Variants in ABCG5 observed in about 807,000 individuals in gnomAD.
ABCG5 encodes the protein ATP-binding cassette sub-family G member 5.
In ABCG5, 64 loss-of-function variants were observed where a neutral mutation model predicts 64.5. The ratio of observed to expected loss-of-function variants is 0.99; its 90% confidence interval spans 0.81 to 1.22. ABCG5 has a LOEUF of 1.22. ABCG5 is among the 50% of genes most tolerant of loss of function. ABCG5 has a pLI of 0.00. For synonymous variants in ABCG5, 385 were observed against 326.3 expected (o/e 1.18, Z -1.94); for missense variants, 908 against 829.5 (o/e 1.09, Z -1.16).
At chr2:43,809,721 AAAG>A (rs768188053), downstream of ABCG5, 2 of 1,612,210 alleles carry the variant, frequency 1.2e-6, no homozygotes, top group South Asian at 2.2e-5. Context: ...GAACAGTACA[AAAG>A]AAGTTCTTCC....
At chr2:43,808,643 A>T (rs1321039584), downstream of ABCG5, among the ~76,000 whole-genome samples, 1 of 152,184 alleles carries the variant, frequency 6.6e-6, no homozygotes, top group Non-Finnish European at 1.5e-5. Flanking sequence ...GGTAAGATAT[A>T]CTCCTTGTGA....
At chr2:43,825,246 C>G (rs1441940523) in intron 6 of ABCG5, among the ~76,000 whole-genome samples, 1 of 152,176 alleles carries the variant, frequency 6.6e-6, no homozygotes, top group Non-Finnish European at 1.5e-5. Flanking sequence ...GCCTAGGCTA[C>G]CACTGTGGGT....
chr2:43,808,964 T>TACACAC (rs56090427), downstream of ABCG5, among the ~76,000 whole-genome samples: 291 of 145,572 alleles, frequency 2.0e-3, 2 homozygotes, highest in African/African-American at 5.7e-3. Context: ...GGACAAAGGA[T>TACACAC]ACACACACAC....
chr2:43,833,678 C>G (rs969718784), intron 2 of ABCG5, among the ~76,000 whole-genome samples: 1 of 148,680 alleles, frequency 6.7e-6, no homozygotes, highest in African/African-American at 2.5e-5. Context: ...GCCACCGGGC[C>G]CAGCCCTTTA....
chr2:43,828,615 T>G (rs764358355), intron 4 of ABCG5: 8 of 313,340 alleles, frequency 2.6e-5, no homozygotes, highest in Non-Finnish European at 3.7e-5. Flanking sequence ...TTAGCCATGA[T>G]GGCACCACTG....
In ABCG5 at chr2:43,827,989, C is replaced by A; in HGVS notation, c.628G>T (p.Asp210Tyr). Residue 210 changes from aspartate to tyrosine, a missense_variant, in exon 5 of 13, where the codon GAT becomes TAT. Asp to Tyr is a radical substitution (Grantham distance 160). Coordinates refer to ENST00000405322, the MANE Select transcript of ABCG5 (RefSeq NM_022436.3). ...RVSIAAQLLQ[D>Y]PKVMLFDEPT... ...AGTTCTGGGTGCCACTTACTAGGATCCTGGAGCAGCTGGGCTGCGATGGAG... is the reference window on the plus strand; with the variant it reads ...AGTTCTGGGTGCCACTTACTAGGATACTGGAGCAGCTGGGCTGCGATGGAG... The A allele has an allele frequency of 6.2e-7, 1 of 1,614,008 alleles. No homozygotes were observed. The highest frequency in any genetic ancestry group is 8.5e-7 in the Non-Finnish European group (1 of 1,180,010).
At chr2:43,813,381 G>C in intron 12 of ABCG5, 72 bp from the exon 13 acceptor site, 1 of 1,113,412 alleles carries the variant, frequency 9.0e-7, no homozygotes, top group Non-Finnish European at 1.3e-6. Context: ...TATTTACCAA[G>C]CGCTTGCTAA....
At chr2:43,832,206 C>G (rs1667994163) in intron 2 of ABCG5, 123 bp from the exon 3 acceptor site, 3 of 1,383,598 alleles carry the variant, frequency 2.2e-6, no homozygotes, top group African/African-American at 1.4e-5. Flanking sequence ...GGACCCTGTT[C>G]TAGGTGTTAA....
chr2:43,822,468 C>CCAG, intron 10 of ABCG5: 1 of 819,746 alleles, frequency 1.2e-6, no homozygotes, highest in Non-Finnish European at 1.4e-6. Flanking sequence ...TGCTTTCTCC[C>CCAG]CTCCCCCAGG....
At chr2:43,825,089 C>A in intron 6 of ABCG5, 71 bp from the exon 7 acceptor site, 1 of 1,580,842 alleles carries the variant, frequency 6.3e-7, no homozygotes, top group Non-Finnish European at 8.6e-7. Context: ...TCTCTGGGAA[C>A]ACTGATGCAG....
chr2:43,816,624 G>A (rs1460322342), intron 11 of ABCG5, among the ~76,000 whole-genome samples: 14 of 152,228 alleles, frequency 9.2e-5, no homozygotes, highest in Non-Finnish European at 1.5e-4. Context: ...GCTCACTGCA[G>A]CCTCCGCCTC....
intron 5 of ABCG5, among the ~76,000 whole-genome samples, chr2:43,827,715 T>C (rs557851702): frequency 6.6e-6 from 1 of 152,274 alleles, no homozygotes; most frequent in East Asian, 1.9e-4. Context: ...CAAGGCTCCA[T>C]ATTCAAGGAA....
intron 7 of ABCG5, 34 bp downstream of exon 7, chr2:43,824,855 C>A: frequency 6.2e-7 from 1 of 1,612,478 alleles, no homozygotes; most frequent in Non-Finnish European, 8.5e-7. Context: ...GTTTAAAAAA[C>A]ATTCATGATG....
intron 10 of ABCG5, among the ~76,000 whole-genome samples, chr2:43,820,467 C>T (rs1667116543): frequency 6.6e-6 from 1 of 152,120 alleles, no homozygotes; most frequent in Admixed American, 6.6e-5. Flanking sequence ...ACCACACCTA[C>T]CTAATGTTAA....
Position 43,812,999 on chromosome 2 carries a change from T to C in ABCG5, c.*117A>G. On this transcript the variant is annotated 3_prime_UTR_variant, in exon 13 of 13. Coordinates refer to ENST00000405322, the MANE Select transcript of ABCG5 (RefSeq NM_022436.3). ...AGAGGCACAAATGGAGTCTTAATGG[T>C]TAAAAGACTTGAGATGTCCTGTCAA... 1.4e-6 allele frequency: 1 copy of C among 710,664 alleles called. No individual in the cohort carries two copies. Among genetic ancestry groups the C allele is most frequent in the Non-Finnish European group, 2.6e-6 (1 of 383,182 alleles). 44.0% of individuals were successfully genotyped at this position (710,664 alleles called of 1,614,324 possible).
intron 2 of ABCG5, among the ~76,000 whole-genome samples, chr2:43,834,119 G>A (rs1212370395): frequency 1.3e-5 from 2 of 152,230 alleles, no homozygotes; most frequent in Non-Finnish European, 2.9e-5. Context: ...TTCAGGAGGT[G>A]GACAGAGTGG....
intron 2 of ABCG5, among the ~76,000 whole-genome samples, chr2:43,834,963 T>C (rs986810811): frequency 2.0e-5 from 3 of 152,258 alleles, no homozygotes; most frequent in Non-Finnish European, 4.4e-5. Context: ...TTTTATGCAA[T>C]ACTATGGAGT....
chr2:43,825,966 G>A (rs959482140), intron 6 of ABCG5, among the ~76,000 whole-genome samples: 4 of 150,110 alleles, frequency 2.7e-5, no homozygotes, highest in Non-Finnish European at 4.4e-5. Context: ...CAATTCTCTA[G>A]CACTAACGGT....
In ABCG5 at chr2:43,813,022, C is replaced by G; in HGVS notation, c.*94G>C. 1.4e-6 allele frequency: 1 copy of G among 729,792 alleles called. No homozygotes were observed. Among genetic ancestry groups the G allele is most frequent in the Admixed American group, 2.0e-5 (1 of 51,114 alleles). 45.2% of individuals were successfully genotyped at this position (729,792 alleles called of 1,614,324 possible). A position where few individuals can be genotyped will look rare whatever the true frequency, so the allele number is the denominator to read the frequency against. Reference sequence around the variant, plus strand: ...GGTTAAAAGACTTGAGATGTCCTGTCAAGAAAGAAATACATGGCACTCTCA... The same window carrying G: ...GGTTAAAAGACTTGAGATGTCCTGTGAAGAAAGAAATACATGGCACTCTCA... On this transcript the variant is annotated 3_prime_UTR_variant, in exon 13 of 13. Coordinates refer to ENST00000405322, the MANE Select transcript of ABCG5 (RefSeq NM_022436.3).
Sources: gnomAD v4.1 joint callset for allele counts (sites outside exome capture counted in the v4.1 genomes callset) on GRCh38, gnomAD v4.1.1 for gene constraint, MANE v1.5 for transcripts, NCBI Gene and HGNC (gene_info 2026-07-23, HGNC 2026-07-21) for gene names.